ABCA7: variants seen among roughly 807,000 people sequenced by gnomAD.
ABCA7 encodes phospholipid-transporting ATPase ABCA7.
A neutral mutation model predicts 227.6 loss-of-function variants in ABCA7; 261 were observed. The ratio of observed to expected loss-of-function variants is 1.15; its 90% confidence interval spans 1.04 to 1.27. The LOEUF (loss-of-function observed/expected upper bound fraction) is 1.27, where lower values mean the gene tolerates loss of function less well. Ranked by LOEUF, ABCA7 falls within the 50% of genes most tolerant of loss-of-function variation. The pLI is 0.00. For synonymous variants in ABCA7, 1,488 were observed against 1,279.7 expected (o/e 1.16, Z -3.47); for missense variants, 3,331 against 2,924.5 (o/e 1.14, Z -3.21).
At chr19:1,063,166 C>T (rs112724800) in intron 42 of ABCA7, among the ~76,000 whole-genome samples, 1 of 143,640 alleles carries the variant, frequency 7.0e-6, no homozygotes, top group South Asian at 2.3e-4. Context: ...ATGCTGGCTC[C>T]ACCCACACCA....
In ABCA7 at chr19:1,047,351, G is replaced by A. The variant is rs903576761; in HGVS notation, c.2040G>A (p.Arg680=). 7.6e-6 allele frequency: 12 copies of A among 1,578,170 alleles called. No individual in the cohort carries two copies. In the African/African-American group the frequency reaches 1.2e-4, roughly 16 times the overall value. ...TGCTGTGTGTGGCTTGGCGGGACCGGCTGCCCGCGGGTGGCCGCGTGGCCG... is the reference window on the plus strand; with the variant it reads ...TGCTGTGTGTGGCTTGGCGGGACCGACTGCCCGCGGGTGGCCGCGTGGCCG... ...PYVLCVAWRD[R]LPAGGRVAAS... is the part of the protein sequence containing the mutation. The change falls in exon 15 of 47, where the codon CGG becomes CGA. Residue 680 remains arginine, a synonymous_variant. Coordinates refer to ENST00000263094, the MANE Select transcript of ABCA7 (RefSeq NM_019112.4).
rs1246344581 is a variant in ABCA7 at position 1,044,988 on chromosome 19, C to T, written c.1216-14C>T. The T allele has an allele frequency of 8.1e-6, 13 of 1,611,616 alleles. No individual in the cohort carries two copies. The East Asian group carries it at 1.3e-4, about 17-fold the overall frequency. On this transcript the variant is annotated splice_polypyrimidine_tract_variant and intron_variant, in intron 11 of 46. Coordinates refer to ENST00000263094, the MANE Select transcript of ABCA7 (RefSeq NM_019112.4). ...CGGACCCCAGCGCCTAGGACTCACCCCCGCATCCCACAGTGCCTGTCCTTG... is the reference window on the plus strand; with the variant it reads ...CGGACCCCAGCGCCTAGGACTCACCTCCGCATCCCACAGTGCCTGTCCTTG...
chr19:1,057,205 CTT>C (rs1436157847), intron 34 of ABCA7, 107 bp from the exon 35 acceptor site: 11 of 1,551,480 alleles, frequency 7.1e-6, no homozygotes, highest in African/African-American at 6.8e-5. Flanking sequence ...TTGTGGGAGA[CTT>C]TGTGCCTTCC....
At position 1,056,348 on chromosome 19, in the gene ABCA7, G is replaced by T; in HGVS notation, c.4435G>T (p.Gly1479Cys). 1 of 1,613,436 alleles carries T rather than the reference G, an allele frequency of 6.2e-7. No individual in the cohort carries two copies. The highest frequency in any genetic ancestry group is 8.5e-7 in the Non-Finnish European group (1 of 1,179,958). ...DSLKIWFNNK[G>C]WHSMVAFVNR... The stretch of plus-strand genomic sequence containing the variant: ...CACCCAGATCTGGTTCAACAACAAA[G>T]GCTGGCACTCCATGGTGGCCTTTGT... The change falls in exon 33 of 47, where the codon GGC (glycine) becomes TGC (cysteine). Residue 1479 changes from glycine (G) to cysteine (C), a missense_variant. Transcript: ENST00000263094. The surrounding 1 kb of genome is among the most constrained non-coding windows in gnomAD (Gnocchi z 4.3).
In ABCA7 at chr19:1,056,393, A is replaced by G. The variant is rs1366551150; in HGVS notation, c.4480A>G (p.Ile1494Val). 3.1e-6 allele frequency: 5 copies of G among 1,613,270 alleles called. No individual in the cohort carries two copies. The highest frequency in any genetic ancestry group is 3.4e-6 in the Non-Finnish European group (4 of 1,179,928). The part of the protein sequence containing the change: ...VAFVNRASNA[I>V]LRAHLPPGPA... ...CTTTGTCAACCGAGCCAGCAACGCAATCCTCCGTGCTCACCTGCCCCCAGG... is the reference window on the plus strand; with the variant it reads ...CTTTGTCAACCGAGCCAGCAACGCAGTCCTCCGTGCTCACCTGCCCCCAGG... The change falls in exon 33 of 47, where the codon ATC becomes GTC. Residue 1494 changes from isoleucine (I) to valine (V), a missense_variant. Physicochemically the swap from Ile to Val is conservative, Grantham distance 29 (BLOSUM62 3). Transcript: ENST00000263094. This position sits in a 1 kb window ranked among gnomAD's most constrained non-coding sequence, Gnocchi z 4.3.
intron 23 of ABCA7, among the ~76,000 whole-genome samples, chr19:1,052,797 G>A (rs1352277686): frequency 1.3e-5 from 2 of 151,598 alleles, no homozygotes; most frequent in Non-Finnish European, 2.9e-5. Context: ...GGAACCATGA[G>A]ACTAACTTGA....
chr19:1,045,415 C>G (rs2040525510), intron 12 of ABCA7, 184 bp downstream of exon 12: 2 of 645,880 alleles, frequency 3.1e-6, no homozygotes, highest in Admixed American at 5.8e-5. Context: ...TGGGCGGGGC[C>G]TAGGTGCATG....
chr19:1,042,958 G>A (rs1599554461), intron 7 of ABCA7, 83 bp from the exon 8 acceptor site: 2 of 1,517,666 alleles, frequency 1.3e-6, no homozygotes, highest in East Asian at 2.3e-5. Flanking sequence ...GAGAGGGAGA[G>A]GCTGCCCCTG....
intron 42 of ABCA7, 97 bp downstream of exon 42, chr19:1,062,410 T>G: frequency 6.5e-7 from 1 of 1,533,316 alleles, no homozygotes; most frequent in Non-Finnish European, 8.8e-7. Context: ...TCTCTCGCCT[T>G]GGCTCCATCC....
In ABCA7 at chr19:1,041,300, C is replaced by T; in HGVS notation, c.-62C>T. The T allele has an allele frequency of 1.3e-6, 2 of 1,554,972 alleles. No homozygotes were observed. Among genetic ancestry groups the T allele is most frequent in the African/African-American group, 1.4e-5 (1 of 73,826 alleles). On this transcript the variant is annotated 5_prime_UTR_variant, in exon 2 of 47. Transcript: ENST00000263094. ...GGCAGGGAGTTGCCCGCAGCCGCAC[C>T]GCACGTCTTCAGCCCGACCGTTGTC... is the stretch of plus-strand genomic sequence containing the variant.
intron 16 of ABCA7, 39 bp from the exon 17 acceptor site, chr19:1,048,856 G>C (rs758358179): frequency 4.7e-6 from 6 of 1,270,058 alleles, no homozygotes; most frequent in Admixed American, 2.3e-5. Flanking sequence ...TACACTCCTG[G>C]GGGGTGGGCT....
In ABCA7 at chr19:1,047,267, C is replaced by A; in HGVS notation, c.1956C>A (p.Arg652=). The A allele has an allele frequency of 6.2e-7, 1 of 1,606,994 alleles. No individual in the cohort carries two copies. Among genetic ancestry groups the A allele is most frequent in the Non-Finnish European group, 8.5e-7 (1 of 1,179,216 alleles). ...TCCTGCTCAGCGCCTTCTTCTCCCG[C>A]GCCAACCTGGCTGCGGCCTGCGGCG... The part of the protein sequence containing the change: ...QSFLLSAFFS[R]ANLAAACGGL... The change falls in exon 15 of 47, where the codon CGC becomes CGA. Residue 652 remains arginine (R), a synonymous_variant. Transcript: ENST00000263094.
At chr19:1,043,689 G>A (rs768401967) in intron 9 of ABCA7, 36 bp from the exon 10 acceptor site, 2 of 1,604,728 alleles carry the variant, frequency 1.2e-6, no homozygotes, top group Non-Finnish European at 1.7e-6. Flanking sequence ...CCTCAGAGGA[G>A]GAGAGGGTCA....
intron 42 of ABCA7, 45 bp from the exon 43 acceptor site, chr19:1,063,499 C>T: frequency 6.2e-7 from 1 of 1,600,666 alleles, no homozygotes; most frequent in Non-Finnish European, 8.5e-7. Flanking sequence ...CTGCCCCATA[C>T]TCATCAATAT....
In ABCA7 at chr19:1,056,132, A is replaced by G. The variant is rs2042233092; in HGVS notation, c.4305A>G (p.Ser1435=). 6.2e-7 allele frequency: 1 copy of G among 1,609,590 alleles called. No individual in the cohort carries two copies. The highest frequency in any genetic ancestry group is 1.1e-5 in the South Asian group (1 of 90,934). The change falls in exon 32 of 47, where the codon TCA becomes TCG. Residue 1435 remains serine, a synonymous_variant. Coordinates refer to ENST00000263094, the MANE Select transcript of ABCA7 (RefSeq NM_019112.4). This position sits in a 1 kb window ranked among gnomAD's most constrained non-coding sequence, Gnocchi z 4.3. The stretch of plus-strand genomic sequence containing the variant: ...CCTCGGGCCAAGAGTTGGGCCGCTC[A>G]GTGGAGGAGTTGTGGGCGCTGCTGA... The part of the protein sequence containing the change: ...GLPSGQELGR[S]VEELWALLSP...
Position 1,064,751 on chromosome 19 carries a change from T to C in ABCA7, c.6045-180T>C, listed in dbSNP as rs1367978825. 8.1e-6 allele frequency: 8 copies of C among 993,150 alleles called. No homozygotes were observed. In the Admixed American group the frequency reaches 2.8e-4, roughly 34 times the overall value. The allele number at this position is 993,150 out of a possible 1,614,324, so 61.5% of individuals were successfully genotyped here. A position where few individuals can be genotyped will look rare whatever the true frequency, so the allele number is the denominator to read the frequency against. On this transcript the variant is annotated intron_variant, in intron 45 of 46. Coordinates refer to ENST00000263094, the MANE Select transcript of ABCA7 (RefSeq NM_019112.4). ...TAAAAATTAGCTGGACATGGTGGTG[T>C]GTGCCTGTGGTCTCAGCTACGCGGG...
chr19:1,042,996 T>C (rs992334213), intron 7 of ABCA7, 45 bp from the exon 8 acceptor site: 18 of 1,561,912 alleles, frequency 1.2e-5, no homozygotes, highest in Non-Finnish European at 1.5e-5. Context: ...GGTTAGGGCT[T>C]GGAGGTGGGA....
rs200288020 is a variant in ABCA7 at position 1,047,378 on chromosome 19, G to A, written c.2067G>A (p.Ala689=). The A allele has an allele frequency of 1.8e-4, 285 of 1,564,774 alleles. No homozygotes were observed. In the African/African-American group the frequency reaches 2.9e-3, roughly 16 times the overall value. The change falls in exon 15 of 47, where the codon GCG becomes GCA. Residue 689 remains alanine (A), a splice_region_variant and synonymous_variant. Coordinates refer to ENST00000263094, the MANE Select transcript of ABCA7 (RefSeq NM_019112.4). ...TGCCCGCGGGTGGCCGCGTGGCCGC[G>A]GTGAGAGCCGGGTCGGGCGTGGATG... ...DRLPAGGRVA[A]SLLSPVAFGF... is the part of the protein sequence containing the mutation.
chr19:1,057,086 TG>T lies in ABCA7; in HGVS notation c.4764+3del, dbSNP rs2042320456. 1 of 1,609,544 alleles carries T rather than the reference TG, an allele frequency of 6.2e-7. No individual in the cohort carries two copies. Among genetic ancestry groups the T allele is most frequent in the Non-Finnish European group, 8.5e-7 (1 of 1,177,918 alleles). On this transcript the variant is annotated splice_donor_region_variant and intron_variant, in intron 34 of 46. Coordinates refer to ENST00000263094, the MANE Select transcript of ABCA7 (RefSeq NM_019112.4). ...CTTGGCAACTTTCTCTGGGACATGG[TG>T]CGGGGGCTGCTTGGACGGGTGGGGG...
Sources: allele counts gnomAD v4.1 joint callset (sites outside exome capture counted in the v4.1 genomes callset), GRCh38; gene constraint gnomAD v4.1.1; non-coding constraint Gnocchi (gnomAD v3.1); transcripts MANE v1.5; gene names NCBI Gene and HGNC (gene_info 2026-07-23, HGNC 2026-07-21).